Variants in PTPRN2 observed in about 807,000 individuals in gnomAD.
The protein encoded by PTPRN2 is receptor-type tyrosine-protein phosphatase N2.
Under a neutral mutation model 118.8 loss-of-function variants are expected in PTPRN2, and 74 were observed. The ratio of observed to expected loss-of-function variants is 0.62; its 90% CI spans 0.52 to 0.76. The LOEUF is 0.76. Ranked by LOEUF, PTPRN2 falls within the 30% of genes least tolerant of loss-of-function variation. The pLI, the probability that PTPRN2 is intolerant of heterozygous loss-of-function variation, is 0.00. For synonymous variants in PTPRN2, 641 were observed against 608.0 expected, an observed-to-expected ratio of 1.05 and a Z score of -0.80; for missense variants, 1,481 against 1,394.4, an observed-to-expected ratio of 1.06 and a Z score of -0.99.
intron 1 of PTPRN2, among the ~76,000 whole-genome samples, chr7:158,521,184 T>G (rs867702116): frequency 6.6e-6 from 1 of 152,122 alleles, no homozygotes; most frequent in African/African-American, 2.4e-5. Flanking sequence ...TTATTTTATA[T>G]TTTTTTCCCC....
intron 11 of PTPRN2, among the ~76,000 whole-genome samples, chr7:157,973,391 G>A (rs1471709336): frequency 6.6e-6 from 1 of 151,544 alleles, no homozygotes; most frequent in Non-Finnish European, 1.5e-5. Flanking sequence ...AATAACAGGG[G>A]GTAGGCTCTT....
intron 9 of PTPRN2, among the ~76,000 whole-genome samples, chr7:158,132,977 A>C (rs1180427214): frequency 6.6e-6 from 1 of 152,212 alleles, no homozygotes; most frequent in Non-Finnish European, 1.5e-5. Flanking sequence ...CACTTGTACA[A>C]AGCAAAGCAT....
chr7:157,556,015 A>C (rs779700285), intron 21 of PTPRN2, among the ~76,000 whole-genome samples: 10 of 152,154 alleles, frequency 6.6e-5, no homozygotes, highest in Non-Finnish European at 1.0e-4. Flanking sequence ...TCTCCATGTC[A>C]GCCGAGGTGA....
At chr7:158,326,962 CGCACACATTCACAT>C (rs1563142714) in intron 2 of PTPRN2, among the ~76,000 whole-genome samples, 8 of 151,480 alleles carry the variant, frequency 5.3e-5, no homozygotes, top group Admixed American at 2.6e-4. Context: ...CATGCACACA[CGCACACATTCACAT>C]GCACATACAC....
At chr7:157,679,637 T>A (rs1796824231) in intron 13 of PTPRN2, among the ~76,000 whole-genome samples, 1 of 152,222 alleles carries the variant, frequency 6.6e-6, no homozygotes, top group Admixed American at 6.5e-5. Flanking sequence ...AGAAAAGCTC[T>A]CTTACTCCCC....
chr7:158,113,030 TAGGGCCCCCCAGCATTG>T (rs1404335076), intron 9 of PTPRN2, among the ~76,000 whole-genome samples: 5 of 150,450 alleles, frequency 3.3e-5, no homozygotes, highest in African/African-American at 1.2e-4. Context: ...CCCCGGCATT[TAGGGCCCCCCAGCATTG>T]AGGGCCCCCC....
intron 6 of PTPRN2, among the ~76,000 whole-genome samples, chr7:158,149,702 G>T (rs1010668088): frequency 2.6e-5 from 4 of 152,010 alleles, no homozygotes; most frequent in African/African-American, 2.4e-5. Context: ...TACTCAGGAG[G>T]CTAAGGCAGG....
intron 12 of PTPRN2, among the ~76,000 whole-genome samples, chr7:157,702,516 G>C (rs536514444): frequency 3.3e-5 from 5 of 152,204 alleles, no homozygotes; most frequent in Admixed American, 6.5e-5. Flanking sequence ...GCCTGCCCAC[G>C]CTCACTGGCT....
intron 11 of PTPRN2, among the ~76,000 whole-genome samples, chr7:157,913,235 A>G (rs1205940714): frequency 1.3e-5 from 2 of 152,212 alleles, no homozygotes; most frequent in Non-Finnish European, 2.9e-5. Flanking sequence ...CTAAATATAC[A>G]AATACAGCTG....
chr7:157,875,671 G>A (rs887508811), intron 12 of PTPRN2, among the ~76,000 whole-genome samples: 70 of 152,240 alleles, frequency 4.6e-4, no homozygotes, highest in Admixed American at 2.6e-4. Flanking sequence ...GGCTGCAGCA[G>A]CAGCAGCACC....
At chr7:157,766,261 T>A (rs544686020) in intron 12 of PTPRN2, among the ~76,000 whole-genome samples, 10 of 148,268 alleles carry the variant, frequency 6.7e-5, no homozygotes, top group Admixed American at 5.4e-4. Flanking sequence ...CCTCCATCCA[T>A]CCATCCTTCC....
At chr7:157,895,753 C>A (rs1009355950) in intron 12 of PTPRN2, among the ~76,000 whole-genome samples, 7 of 152,038 alleles carry the variant, frequency 4.6e-5, no homozygotes, top group Non-Finnish European at 1.0e-4. Flanking sequence ...TCCAACCCTG[C>A]CTAATCAAAT....
intron 3 of PTPRN2, among the ~76,000 whole-genome samples, chr7:158,218,233 A>G (rs181558098): frequency 6.7e-6 from 1 of 149,696 alleles, no homozygotes; most frequent in East Asian, 1.9e-4. Flanking sequence ...CCAGGCTGAT[A>G]GCAGACATGT....
At chr7:158,009,199 A>G (rs923293303) in intron 11 of PTPRN2, among the ~76,000 whole-genome samples, 1 of 152,042 alleles carries the variant, frequency 6.6e-6, no homozygotes, top group Non-Finnish European at 1.5e-5. Flanking sequence ...ACATTTCACC[A>G]TCTCACTCTC....
At chr7:158,431,174 G>T (rs1008553615) in intron 2 of PTPRN2, among the ~76,000 whole-genome samples, 10 of 152,250 alleles carry the variant, frequency 6.6e-5, no homozygotes, top group African/African-American at 2.4e-4. Context: ...GTGAGCCCCA[G>T]GCACACACTG....
At chr7:158,233,104 G>A (rs561248833) in intron 3 of PTPRN2, among the ~76,000 whole-genome samples, 3 of 152,092 alleles carry the variant, frequency 2.0e-5, no homozygotes, top group Non-Finnish European at 2.9e-5. Context: ...AGAAATACAG[G>A]CACCCAAATT....
rs534978806 is a variant in PTPRN2, at chr7:157,970,634, G to A, written c.1724-71897C>T. Among the ~76,000 whole-genome samples, 781 of 102,682 alleles carry A rather than the reference G, an allele frequency of 7.6e-3. 11 individuals are homozygous for A. Among genetic ancestry groups the A allele is most frequent in the African/African-American group, 0.033 (736 of 22,442 alleles). The allele number at this position is 102,682 out of a possible 152,430, so 67.4% of individuals were successfully genotyped here. ...TGTGCTTCATTGTCACGCTCAGAGCGGACCCCCCCCCCCACAGGTTGCCCA... is the reference window on the plus strand; with the variant it reads ...TGTGCTTCATTGTCACGCTCAGAGCAGACCCCCCCCCCCACAGGTTGCCCA... On this transcript the variant is annotated intron_variant, in intron 11 of 22. Coordinates refer to ENST00000389418, the MANE Select transcript of PTPRN2 (RefSeq NM_002847.5).
intron 1 of PTPRN2, among the ~76,000 whole-genome samples, chr7:158,568,082 G>A (rs148272036): frequency 2.0e-5 from 3 of 152,112 alleles, no homozygotes; most frequent in South Asian, 2.1e-4. Flanking sequence ...GTGAAACCTC[G>A]TATCTACTAA....
chr7:158,052,833 C>T (rs1050547629), intron 11 of PTPRN2, among the ~76,000 whole-genome samples: 5 of 152,202 alleles, frequency 3.3e-5, no homozygotes, highest in South Asian at 4.1e-4. Flanking sequence ...CCCAGCCACT[C>T]GGGGTCCACC....
Sources: allele counts gnomAD v4.1 joint callset (sites outside exome capture counted in the v4.1 genomes callset), GRCh38; gene constraint gnomAD v4.1.1; transcripts MANE v1.5; gene names NCBI Gene and HGNC (gene_info 2026-07-23, HGNC 2026-07-21).